The following IFNLR1 variants were observed in gnomAD, a reference collection of about 807,000 sequenced individuals.
IFNLR1 encodes the protein CRF2-12.
A neutral mutation model predicts 52.5 loss-of-function variants in IFNLR1; 28 were observed. The observed-to-expected ratio is 0.53, with a 90% CI of 0.40 to 0.73. The LOEUF is 0.73. Ranked by LOEUF, IFNLR1 falls within the 30% of genes least tolerant of loss-of-function variation. The probability of loss-of-function intolerance (pLI) is 0.00; values close to 1 mark genes in which losing one functional copy is unlikely to be tolerated. For missense variants in IFNLR1, 623 were observed against 659.1 expected (o/e 0.95, Z 0.60); for synonymous variants, 276 against 274.9 (o/e 1.00, Z -0.04).
At chr1:24,182,379 G>T (rs1644699883) in intron 1 of IFNLR1, among the ~76,000 whole-genome samples, 1 of 152,110 alleles carries the variant, frequency 6.6e-6, no homozygotes, top group African/African-American at 2.4e-5. Context: ...ACATTTGGAG[G>T]CATGTTACTA....
intron 3 of IFNLR1, among the ~76,000 whole-genome samples, chr1:24,162,817 TTCTTCTTTCTTTC>T (rs1644467721): frequency 1.9e-5 from 1 of 52,858 alleles, no homozygotes; most frequent in Non-Finnish European, 4.0e-5. Context: ...CTTTCTTTTT[TTCTTCTTTCTTTC>T]TTTTCTTTCT....
chr1:24,167,645 A>G (rs1030832554), intron 3 of IFNLR1, among the ~76,000 whole-genome samples: 6 of 151,718 alleles, frequency 4.0e-5, no homozygotes, highest in Non-Finnish European at 1.5e-5. Flanking sequence ...TCGGCCTCCC[A>G]AAGTGCTCAG....
In IFNLR1 at chr1:24,156,793, C is replaced by T. The variant is rs1644382878; in HGVS notation, c.*337G>A. The T allele has an allele frequency of 2.3e-5, 7 of 308,236 alleles. No individual in the cohort carries two copies. In the East Asian group the frequency reaches 5.0e-4, roughly 22 times the overall value. The allele number at this position is 308,236 out of a possible 1,614,324, so 19.1% of individuals were successfully genotyped here. A position where few individuals can be genotyped will look rare whatever the true frequency, so the allele number is the denominator to read the frequency against. Reference sequence around the variant, plus strand: ...TGTCCGCCCTTGATGTCCGCAGTGACCTGACCTCACCTGTTTCATGTTGTC... The same window carrying T: ...TGTCCGCCCTTGATGTCCGCAGTGATCTGACCTCACCTGTTTCATGTTGTC... On this transcript the variant is annotated 3_prime_UTR_variant, in exon 7 of 7. Transcript: ENST00000327535.
At chr1:24,165,550 G>A (rs929839533) in intron 3 of IFNLR1, among the ~76,000 whole-genome samples, 5 of 152,174 alleles carry the variant, frequency 3.3e-5, no homozygotes, top group African/African-American at 1.2e-4. Context: ...CTTGCCCAGT[G>A]GCTTGAAGAT....
intron 2 of IFNLR1, among the ~76,000 whole-genome samples, chr1:24,174,099 G>T (rs777129970): frequency 2.7e-5 from 4 of 147,196 alleles, no homozygotes; most frequent in Non-Finnish European, 5.9e-5. Context: ...CAGTAGGACT[G>T]GTGTACTTGT....
rs76795146 is a variant in IFNLR1, at chr1:24,179,947, C to T, written c.182+784G>A. Among the ~76,000 whole-genome samples, 751 of 152,288 alleles carry T rather than the reference C, an allele frequency of 4.9e-3. 9 individuals carry two copies. The highest frequency in any genetic ancestry group is 0.016 in the African/African-American group (671 of 41,550). On this transcript the variant is annotated intron_variant, in intron 2 of 6. Transcript: ENST00000327535. ...GATCTGCTTCCATTGTCAGATTTCT[C>T]TGGATTCGCTGTGGCTGCCTGGGCT...
At chr1:24,160,170 G>A (rs1416834) in intron 4 of IFNLR1, among the ~76,000 whole-genome samples, 83,364 of 152,016 alleles carry the variant, frequency 0.55, 23,384 homozygotes, top group Middle Eastern at 0.6. Flanking sequence ...TCCCTACTTC[G>A]AGGAGCAGAT....
intron 3 of IFNLR1, among the ~76,000 whole-genome samples, chr1:24,165,660 C>A (rs1432513622): frequency 6.6e-6 from 1 of 152,212 alleles, no homozygotes; most frequent in African/African-American, 2.4e-5. Flanking sequence ...GCAGCCTTCC[C>A]TGATTCCCAG....
intron 1 of IFNLR1, among the ~76,000 whole-genome samples, chr1:24,186,910 A>C (rs1375348669): frequency 6.6e-6 from 1 of 152,218 alleles, no homozygotes; most frequent in Non-Finnish European, 1.5e-5. Context: ...TTATTAAAAA[A>C]TATGCAGTAT....
chr1:24,159,726 G>GTTTTTTTTTGTTT (rs1644421348), intron 4 of IFNLR1, 93 bp from the exon 5 acceptor site: 159 of 762,540 alleles, frequency 2.1e-4, no homozygotes, highest in South Asian at 2.5e-4. Context: ...ATGGTAGGGT[G>GTTTTTTTTTGTTT]TTTTTTTTTT....
intron 2 of IFNLR1, among the ~76,000 whole-genome samples, chr1:24,174,868 C>CAA (rs34158476): frequency 6.6e-4 from 95 of 143,026 alleles, no homozygotes; most frequent in African/African-American, 1.9e-3. Context: ...ATCCACATTG[C>CAA]AAAAAAAAAA....
intron 1 of IFNLR1, among the ~76,000 whole-genome samples, chr1:24,182,622 G>A (rs760389223): frequency 3.5e-4 from 53 of 152,020 alleles, no homozygotes; most frequent in Admixed American, 9.8e-4. Context: ...ACTCCATAGT[G>A]GTAAAAAAAT....
At chr1:24,176,771 G>A (rs59904073) in intron 2 of IFNLR1, among the ~76,000 whole-genome samples, 14,790 of 152,148 alleles carry the variant, frequency 0.097, 1,994 homozygotes, top group African/African-American at 0.3. Context: ...AAAAAGACAA[G>A]TATTCTCTCC....
chr1:24,169,408 CA>C lies in IFNLR1; in HGVS notation c.367+8del. The C allele has an allele frequency of 6.2e-7, 1 of 1,611,914 alleles. No homozygotes were observed. The highest frequency in any genetic ancestry group is 8.5e-7 in the Non-Finnish European group (1 of 1,178,626). ...AGCCTTCCACTCAGTCCCTTACCCA[CA>C]GACCTACCTTCAAAAAGGTAATCCA... On this transcript the variant is annotated splice_region_variant and intron_variant, in intron 3 of 6. Transcript: ENST00000327535.
intron 6 of IFNLR1, among the ~76,000 whole-genome samples, chr1:24,158,498 C>G (rs1644406079): frequency 6.6e-6 from 1 of 152,178 alleles, no homozygotes; most frequent in African/African-American, 2.4e-5. Context: ...TCCTCAAAGC[C>G]CCCATGCCCA....
At position 24,159,099 on chromosome 1, in the gene IFNLR1, G is replaced by A. The variant is rs747496336; in HGVS notation, c.754C>T (p.Leu252Phe). 4 of 1,614,132 alleles carry A rather than the reference G, an allele frequency of 2.5e-6. No homozygotes were observed. The highest frequency in any genetic ancestry group is 2.2e-5 in the East Asian group (1 of 44,874). Reference protein sequence around the residue: ...IAAGGVIWKTLMGNPWFQRAK... With the variant: ...IAAGGVIWKTFMGNPWFQRAK... ...CGCTGAAACCAGGGGTTCCCCATGA[G>A]GGTCTTCCAGATCACACCCCCTGCG... The change falls in exon 6 of 7, where the codon CTC (leucine) becomes TTC (phenylalanine). Residue 252 changes from leucine to phenylalanine, a missense_variant. Physicochemically the swap from Leu to Phe is conservative, Grantham distance 22. Transcript: ENST00000327535.
At chr1:24,165,972 C>A (rs1644515236) in intron 3 of IFNLR1, among the ~76,000 whole-genome samples, 1 of 152,090 alleles carries the variant, frequency 6.6e-6, no homozygotes, top group Non-Finnish European at 1.5e-5. Flanking sequence ...GGAAGGATCA[C>A]CCTGGCTTGG....
intron 1 of IFNLR1, among the ~76,000 whole-genome samples, chr1:24,186,804 C>T (rs1159902832): frequency 6.6e-6 from 1 of 152,210 alleles, no homozygotes; most frequent in East Asian, 1.9e-4. Flanking sequence ...GAAGGGACAT[C>T]AATCGGTCCC....
intron 1 of IFNLR1, among the ~76,000 whole-genome samples, chr1:24,184,860 A>T (rs1370671246): frequency 6.6e-6 from 1 of 152,072 alleles, no homozygotes; most frequent in Non-Finnish European, 1.5e-5. Flanking sequence ...CTCTTCTAAA[A>T]ATACAAAAAT....
Sources: allele counts gnomAD v4.1 joint callset (sites outside exome capture counted in the v4.1 genomes callset), GRCh38; gene constraint gnomAD v4.1.1; transcripts MANE v1.5; gene names NCBI Gene and HGNC (gene_info 2026-07-23, HGNC 2026-07-21).